Variants in RPA1 observed in about 807,000 individuals in gnomAD.
RPA1 encodes replication protein A 70 kDa DNA-binding subunit.
A neutral mutation model predicts 83.0 loss-of-function variants in RPA1; 49 were observed. That is an observed-to-expected ratio of 0.59 (90% CI 0.47 to 0.75). The LOEUF is 0.75. Among genes scored for constraint, RPA1 ranks in the 30% least tolerant of loss-of-function variants. The pLI, the probability that RPA1 is intolerant of heterozygous loss-of-function variation, is 0.00. For missense variants in RPA1, 693 were observed against 776.1 expected (o/e 0.89, Z 1.27); for synonymous variants, 279 against 281.8 (o/e 0.99, Z 0.10).
chr17:1,883,702 T>TGGGC, intron 12 of RPA1, 110 bp from the exon 13 acceptor site: 1 of 1,410,554 alleles, frequency 7.1e-7, no homozygotes. Context: ...GTGTGAAAGC[T>TGGGC]GGGCGGGTGG....
At chr17:1,830,247 C>CGGGGGGTGGTGTGGGG in intron 1 of RPA1, 121 bp downstream of exon 1, 1 of 168,874 alleles carries the variant, frequency 5.9e-6, no homozygotes, top group Non-Finnish European at 9.9e-6. Flanking sequence ...GAGGAGATGG[C>CGGGGGGTGGTGTGGGG]GGGGGGCGGT....
At chr17:1,833,672 T>C (rs1310502893) in intron 1 of RPA1, among the ~76,000 whole-genome samples, 2 of 151,700 alleles carry the variant, frequency 1.3e-5, no homozygotes, top group Non-Finnish European at 2.9e-5. Context: ...TTGGCCAACA[T>C]GGAGAAACTC....
rs1434939430 is a variant in RPA1, at chr17:1,895,093, A to G, written c.1744A>G (p.Asn582Asp). 2 of 1,612,788 alleles carry G rather than the reference A, an allele frequency of 1.2e-6. No homozygotes were observed. The highest frequency in any genetic ancestry group is 1.7e-5 in the Admixed American group (1 of 59,940). Residue 582 changes from asparagine to aspartate, a missense_variant and splice_region_variant, in exon 16 of 17, where the codon AAC becomes GAC. Asn to Asp is a conservative substitution (Grantham distance 23, BLOSUM62 1). Transcript: ENST00000254719. ...FRVRVKVETY[N>D]DESRIKATVM... ...AGTCAGGGTCAAAGTGGAGACCTAC[A>G]ACGTAAGTAAGGGCCTGGGCAGCAG...
intron 2 of RPA1, 56 bp from the exon 3 acceptor site, chr17:1,843,864 G>A (rs941603451): frequency 2.8e-5 from 41 of 1,460,254 alleles, no homozygotes; most frequent in Middle Eastern, 2.0e-4. Flanking sequence ...TTCGGTTTAC[G>A]TATCCCTGGG....
intron 5 of RPA1, chr17:1,858,223 C>T: frequency 6.2e-7 from 1 of 1,613,710 alleles, no homozygotes; most frequent in South Asian, 1.1e-5. Flanking sequence ...CAGTGCTGGC[C>T]CCAGACACAG....
intron 7 of RPA1, among the ~76,000 whole-genome samples, chr17:1,876,841 A>G (rs955520851): frequency 1.3e-5 from 2 of 152,210 alleles, no homozygotes; most frequent in South Asian, 2.1e-4. Context: ...AACACCAGTT[A>G]TATCAGTTCC....
chr17:1,844,243 C>T (rs1051099885), intron 3 of RPA1, among the ~76,000 whole-genome samples: 4 of 152,090 alleles, frequency 2.6e-5, no homozygotes, highest in African/African-American at 9.7e-5. Context: ...GATTAATTTC[C>T]CTAAGGATGA....
intron 16 of RPA1, among the ~76,000 whole-genome samples, chr17:1,895,695 T>TTATTTATTTATG: frequency 6.6e-6 from 1 of 151,086 alleles, no homozygotes; most frequent in Non-Finnish European, 1.5e-5. Context: ...ATTTATTTAT[T>TTATTTATTTATG]TATTTATTTG....
chr17:1,872,377 TA>T, intron 5 of RPA1, 56 bp from the exon 6 acceptor site: 1 of 1,587,374 alleles, frequency 6.3e-7, no homozygotes, highest in Non-Finnish European at 8.6e-7. Context: ...TACCCAAGTT[TA>T]AATCTCTTAA....
chr17:1,849,185 A>G (rs1216811506), intron 4 of RPA1, among the ~76,000 whole-genome samples: 1 of 152,106 alleles, frequency 6.6e-6, no homozygotes, highest in African/African-American at 2.4e-5. Context: ...CAGTACTTCA[A>G]ATTACACTCC....
intron 5 of RPA1, among the ~76,000 whole-genome samples, chr17:1,867,984 C>T (rs919750587): frequency 2.6e-5 from 4 of 151,348 alleles, no homozygotes; most frequent in African/African-American, 7.3e-5. Context: ...CCGGGGAGGC[C>T]GAGTCGGGGG....
intron 5 of RPA1, among the ~76,000 whole-genome samples, chr17:1,854,920 C>G (rs538640937): frequency 6.6e-6 from 1 of 152,162 alleles, no homozygotes; most frequent in Admixed American, 6.6e-5. Flanking sequence ...CAGCCTGGCT[C>G]GTTATCTTTG....
At chr17:1,880,721 ACTTGAGGCTGGG>A in intron 12 of RPA1, 30 bp downstream of exon 12, 1 of 1,608,144 alleles carries the variant, frequency 6.2e-7, no homozygotes, top group South Asian at 1.1e-5. Flanking sequence ...ACAAAGGGTT[ACTTGAGGCTGGG>A]CTTTGAGAAA....
At chr17:1,876,411 C>T (rs1181610981) in intron 7 of RPA1, among the ~76,000 whole-genome samples, 1 of 151,956 alleles carries the variant, frequency 6.6e-6, no homozygotes, top group African/African-American at 2.4e-5. Context: ...AAAAATTAGC[C>T]AGGTGTTGTG....
chr17:1,878,939 TG>T, intron 8 of RPA1, 53 bp from the exon 9 acceptor site: 1 of 1,573,418 alleles, frequency 6.4e-7, no homozygotes, highest in Middle Eastern at 1.7e-4. Flanking sequence ...ACTTGGGTGC[TG>T]GGGTGGCCTG....
intron 5 of RPA1, among the ~76,000 whole-genome samples, chr17:1,871,130 C>G (rs1236501879): frequency 6.6e-6 from 1 of 152,090 alleles, no homozygotes; most frequent in Admixed American, 6.6e-5. Context: ...TTGTGTGACG[C>G]TTTGTAAATT....
intron 14 of RPA1, among the ~76,000 whole-genome samples, chr17:1,889,094 G>C (rs1322653385): frequency 6.8e-6 from 1 of 147,542 alleles, no homozygotes; most frequent in East Asian, 2.0e-4. Context: ...CCTGCTAACT[G>C]CTATGAAGAT....
At chr17:1,860,428 A>T (rs2151278721) in intron 5 of RPA1, among the ~76,000 whole-genome samples, 1 of 152,330 alleles carries the variant, frequency 6.6e-6, no homozygotes, top group Middle Eastern at 3.4e-3. Flanking sequence ...TTACAGGCAT[A>T]AGCTACTGTG....
rs1343462940 is a variant in RPA1, at chr17:1,879,699, T to G, written c.1092T>G (p.Asp364Glu). Reference sequence around the variant, plus strand: ...TGACTGCTACACTGTGGGGGGAAGATGTAAGTGCTGGGATGGGGTCTTCAA... The same window carrying G: ...TGACTGCTACACTGTGGGGGGAAGAGGTAAGTGCTGGGATGGGGTCTTCAA... ...KVVTATLWGE[D>E]ADKFDGSRQP... is the part of the protein sequence containing the mutation. Residue 364 changes from aspartate to glutamate, a missense_variant and splice_region_variant, in exon 11 of 17, where the codon GAT becomes GAG. Coordinates refer to ENST00000254719, the MANE Select transcript of RPA1 (RefSeq NM_002945.5). The G allele has an allele frequency of 1.7e-5, 27 of 1,614,172 alleles. No homozygotes were observed. Among genetic ancestry groups the G allele is most frequent in the Non-Finnish European group, 2.3e-5 (27 of 1,180,026 alleles).
Sources: gnomAD v4.1 joint callset for allele counts (sites outside exome capture counted in the v4.1 genomes callset) on GRCh38, gnomAD v4.1.1 for gene constraint, MANE v1.5 for transcripts, NCBI Gene and HGNC (gene_info 2026-07-23, HGNC 2026-07-21) for gene names.